MRFAP1L2: variants seen among roughly 807,000 people sequenced by gnomAD.
MRFAP1L2 encodes MORF4 family-associated protein 1-like protein UPP.
At chr4:6,674,815 A>G in the MRFAP1L2 span, 1 of 452,684 alleles carries the variant, frequency 2.2e-6, no homozygotes, top group South Asian at 3.7e-5. Context: ...AGAGGTGTGA[A>G]GCGGAGGTAC....
the MRFAP1L2 span, chr4:6,674,368 C>T: frequency 4.6e-5 from 30 of 647,348 alleles, no homozygotes; most frequent in African/African-American, 1.9e-4. Flanking sequence ...TGCTGGAGAT[C>T]CAGAGCCTGC....
chr4:6,674,868 G>A, the MRFAP1L2 span: 4 of 341,416 alleles, frequency 1.2e-5, no homozygotes, highest in East Asian at 1.5e-4. Context: ...TGGAGCGTTT[G>A]CGATGACCTT....
At chr4:6,674,938 A>C in the MRFAP1L2 span, 2 of 190,246 alleles carry the variant, frequency 1.1e-5, no homozygotes, top group Non-Finnish European at 2.2e-5. Context: ...GGATATGAGA[A>C]TATCAAGCTC....
chr4:6,675,991 C>A, the MRFAP1L2 span: 5 of 152,304 alleles, frequency 3.3e-5, no homozygotes, highest in South Asian at 4.1e-4. Flanking sequence ...GTGCAGATGA[C>A]CAAAGCAATT....
At chr4:6,674,258 C>T in the MRFAP1L2 span, 1 of 441,568 alleles carries the variant, frequency 2.3e-6, no homozygotes, top group Non-Finnish European at 4.0e-6. Flanking sequence ...CCGCGAGGAG[C>T]CGGGCAGCCC....
the MRFAP1L2 span, chr4:6,674,607 G>A: frequency 1.7e-6 from 1 of 596,142 alleles, no homozygotes; most frequent in Middle Eastern, 4.2e-4. Flanking sequence ...AGCGGAGCGC[G>A]GCGGGGAGTG....
chr4:6,674,556 G>A, the MRFAP1L2 span: 2 of 659,288 alleles, frequency 3.0e-6, no homozygotes, highest in Non-Finnish European at 5.4e-6. Flanking sequence ...CGGATCGCCG[G>A]CTGCGAGTGC....
the MRFAP1L2 span, chr4:6,674,347 C>G: frequency 1.6e-6 from 1 of 634,952 alleles, no homozygotes; most frequent in East Asian, 3.4e-5. Context: ...ACTGGCGGGC[C>G]CGCAGGAAGC....
At chr4:6,674,324 C>G in the MRFAP1L2 span, 1 of 620,242 alleles carries the variant, frequency 1.6e-6, no homozygotes, top group African/African-American at 1.9e-5. Context: ...GGAGCGCGAG[C>G]GCGCCCGGGC....
chr4:6,674,798 G>C, the MRFAP1L2 span: 2 of 470,502 alleles, frequency 4.3e-6, no homozygotes, highest in Non-Finnish European at 3.7e-6. Context: ...TCACTACGTG[G>C]GGGGAGAGAG....
the MRFAP1L2 span, chr4:6,675,742 TTATAA>T: frequency 1.3e-5 from 2 of 152,340 alleles, no homozygotes; most frequent in Admixed American, 1.3e-4. Context: ...AACAACTTTG[TTATAA>T]TACAGTCTCT....
the MRFAP1L2 span, chr4:6,674,459 G>C: frequency 1.5e-6 from 1 of 661,180 alleles, no homozygotes; most frequent in Middle Eastern, 3.8e-4. Context: ...GGAGGCTGAG[G>C]AGCGGGTGGC....
chr4:6,674,904 G>A, the MRFAP1L2 span: 1 of 258,154 alleles, frequency 3.9e-6, no homozygotes, highest in African/African-American at 2.2e-5. Context: ...ATTGTGCACA[G>A]GTGGTTGGGT....
chr4:6,675,831 T>A, the MRFAP1L2 span: 1 of 151,814 alleles, frequency 6.6e-6, no homozygotes. Flanking sequence ...GCCATGGGGG[T>A]CCCAAACAGT....
At chr4:6,674,922 A>C in the MRFAP1L2 span, 1 of 217,448 alleles carries the variant, frequency 4.6e-6, no homozygotes, top group Non-Finnish European at 9.0e-6. Flanking sequence ...GGTTTGTTTG[A>C]CTCCCGGATA....
chr4:6,675,036 C>T, the MRFAP1L2 span: 1 of 153,470 alleles, frequency 6.5e-6, no homozygotes, highest in East Asian at 1.9e-4. Flanking sequence ...GGAGTCGTGG[C>T]TGCTTGGACA....
the MRFAP1L2 span, chr4:6,674,450 G>A: frequency 4.6e-6 from 3 of 657,980 alleles, no homozygotes; most frequent in African/African-American, 3.8e-5. Flanking sequence ...CCCGCGTGCG[G>A]AGGCTGAGGA....
the MRFAP1L2 span, chr4:6,674,621 C>A: frequency 1.7e-6 from 1 of 579,696 alleles, no homozygotes; most frequent in Non-Finnish European, 3.0e-6. Flanking sequence ...GGGAGTGTCC[C>A]GCGTGGAAGG....
the MRFAP1L2 span, chr4:6,674,268 C>G: frequency 4.2e-6 from 2 of 478,848 alleles, no homozygotes; most frequent in Non-Finnish European, 7.3e-6. Context: ...CCGGGCAGCC[C>G]GCTGAGCCCC....
Sources: allele counts gnomAD v4.1 joint callset, GRCh38; gene constraint gnomAD v4.1.1; transcripts MANE v1.5; gene names NCBI Gene and HGNC (gene_info 2026-07-23, HGNC 2026-07-21).